Variants in CD200 observed in about 807,000 individuals in gnomAD.
CD200 encodes OX-2 membrane glycoprotein.
Under a neutral mutation model 30.9 loss-of-function variants are expected in CD200, and 15 were observed. That is an observed-to-expected ratio of 0.49 (90% CI 0.32 to 0.75). CD200 has a LOEUF of 0.75. Ranked by LOEUF, CD200 falls within the 30% of genes least tolerant of loss-of-function variation. CD200 has a pLI of 0.03. For synonymous variants in CD200, 134 were observed against 126.2 expected (o/e 1.06, Z -0.41); for missense variants, 262 against 324.2 (o/e 0.81, Z 1.47).
At chr3:112,359,032 C>T (rs1157429993) in intron 5 of CD200, among the ~76,000 whole-genome samples, 3 of 152,266 alleles carry the variant, frequency 2.0e-5, no homozygotes, top group Middle Eastern at 6.8e-3. Context: ...GCAAATTAAC[C>T]GGTACTTCAG....
intron 1 of CD200, among the ~76,000 whole-genome samples, chr3:112,339,063 AAC>A (rs757326635): frequency 6.6e-6 from 1 of 152,220 alleles, no homozygotes; most frequent in Non-Finnish European, 1.5e-5. Flanking sequence ...AAGTGCTAAG[AAC>A]AGTGCCTAGT....
At chr3:112,359,577 A>G (rs2108476680) in intron 5 of CD200, among the ~76,000 whole-genome samples, 1 of 152,362 alleles carries the variant, frequency 6.6e-6, no homozygotes, top group African/African-American at 2.4e-5. Context: ...TGATAAGGAA[A>G]GTATTTCCAT....
intron 4 of CD200, 103 bp downstream of exon 4, chr3:112,347,933 T>C: frequency 9.6e-7 from 1 of 1,041,358 alleles, no homozygotes. Context: ...CATAATCTAT[T>C]TGGAGAAAGA....
chr3:112,347,537 C>A (rs754921828), intron 3 of CD200, 21 bp from the exon 4 acceptor site: 2 of 1,611,318 alleles, frequency 1.2e-6, no homozygotes, highest in Non-Finnish European at 1.7e-6. Context: ...GATAACAGAT[C>A]ATATTTATTT....
chr3:112,344,873 G>C, intron 2 of CD200, 89 bp from the exon 3 acceptor site: 1 of 978,220 alleles, frequency 1.0e-6, no homozygotes. Context: ...TTCTATATTT[G>C]ACATTGAATA....
At chr3:112,345,428 G>A (rs113185557) in intron 3 of CD200, 140 bp downstream of exon 3, 10 of 666,330 alleles carry the variant, frequency 1.5e-5, no homozygotes, top group African/African-American at 5.4e-5. Flanking sequence ...GTCTACTATA[G>A]CTGTGTTTAT....
intron 2 of CD200, among the ~76,000 whole-genome samples, chr3:112,343,382 C>T (rs1228272421): frequency 6.6e-6 from 1 of 152,084 alleles, no homozygotes; most frequent in African/African-American, 2.4e-5. Flanking sequence ...TTGCTCACTG[C>T]ATCCTTGAAC....
rs149174117 is a variant in CD200 at position 112,347,820 on chromosome 3, C to T, written c.684C>T (p.Thr228=). The part of the protein sequence containing the change: ...HLGTVTDFKQ[T]VNKGYWFSVP... ...GGACTGTGACCGACTTTAAGCAAAC[C>T]GTCAACAAAGGTAAGAGAAAGTGAG... Residue 228 remains threonine (T), a synonymous_variant, in exon 4 of 6, where the codon ACC becomes ACT. Transcript: ENST00000315711. 7.4e-5 allele frequency: 120 copies of T among 1,612,922 alleles called. 2 individuals carry two copies. Among genetic ancestry groups the T allele is most frequent in the South Asian group, 5.2e-4 (47 of 91,012 alleles).
intron 1 of CD200, among the ~76,000 whole-genome samples, chr3:112,338,261 G>A (rs188121462): frequency 2.0e-5 from 3 of 152,214 alleles, no homozygotes; most frequent in Admixed American, 1.3e-4. Context: ...TCCATATCTA[G>A]GTAGGGGAAA....
At chr3:112,358,893 AAGAG>A (rs891229843) in intron 5 of CD200, among the ~76,000 whole-genome samples, 9 of 152,124 alleles carry the variant, frequency 5.9e-5, no homozygotes, top group African/African-American at 1.4e-4. Flanking sequence ...CAAGAAACAA[AAGAG>A]AGAAAGAAAG....
At chr3:112,344,693 G>A (rs146133970) in intron 2 of CD200, among the ~76,000 whole-genome samples, 5 of 152,232 alleles carry the variant, frequency 3.3e-5, no homozygotes, top group East Asian at 1.9e-4. Flanking sequence ...TACCTACTTC[G>A]CAGCTTACAC....
At chr3:112,335,034 G>A (rs2081081849) in intron 1 of CD200, among the ~76,000 whole-genome samples, 3 of 152,202 alleles carry the variant, frequency 2.0e-5, no homozygotes, top group Non-Finnish European at 4.4e-5. Flanking sequence ...TGGAATGCCA[G>A]TATCTGTCTC....
chr3:112,356,474 A>G (rs934933800), intron 5 of CD200, among the ~76,000 whole-genome samples: 1 of 152,190 alleles, frequency 6.6e-6, no homozygotes, highest in Non-Finnish European at 1.5e-5. Context: ...TGCCTCACAT[A>G]CTTATTTTTT....
chr3:112,350,990 A>G (rs1472265783), intron 5 of CD200, among the ~76,000 whole-genome samples: 1 of 152,200 alleles, frequency 6.6e-6, no homozygotes, highest in South Asian at 2.1e-4. Context: ...AGGAGAGAAG[A>G]TTACAAATCA....
intron 1 of CD200, chr3:112,336,045 G>A (rs769188756): frequency 5.1e-5 from 72 of 1,407,392 alleles, no homozygotes; most frequent in Non-Finnish European, 2.4e-5. Context: ...CCTATGAAGG[G>A]ACTTGGTTAG....
At chr3:112,333,094 C>A (rs554503855), upstream of CD200, 49 of 1,456,394 alleles carry the variant, frequency 3.4e-5, no homozygotes, top group African/African-American at 5.5e-4. Context: ...AGGGGGCTAG[C>A]GAGGAGGAAG....
chr3:112,341,862 A>G (rs1050129510), intron 2 of CD200, among the ~76,000 whole-genome samples: 3 of 152,220 alleles, frequency 2.0e-5, no homozygotes, highest in East Asian at 1.9e-4. Context: ...CAAACTTTCA[A>G]GAAGTCTCAA....
In CD200 at chr3:112,351,526, T is replaced by C. The variant is rs575031935; in HGVS notation, c.802+1707T>C. Among the ~76,000 whole-genome samples, 187 of 152,286 alleles carry C rather than the reference T, an allele frequency of 1.2e-3. 2 individuals carry two copies. Among genetic ancestry groups the C allele is most frequent in the African/African-American group, 4.3e-3 (178 of 41,564 alleles). ...GTCATTCAATGCCAATATCCGATTC[T>C]TGAAGCAAAAAGAATCAGCTTATTT... On this transcript the variant is annotated intron_variant, in intron 5 of 5. Transcript: ENST00000315711.
intron 5 of CD200, among the ~76,000 whole-genome samples, chr3:112,359,401 G>A (rs1269291160): frequency 6.6e-6 from 1 of 152,146 alleles, no homozygotes; most frequent in Non-Finnish European, 1.5e-5. Flanking sequence ...AGTTCAAAAT[G>A]CATAGTCTCA....
Sources: gnomAD v4.1 joint callset for allele counts (sites outside exome capture counted in the v4.1 genomes callset) on GRCh38, gnomAD v4.1.1 for gene constraint, MANE v1.5 for transcripts, NCBI Gene and HGNC (gene_info 2026-07-23, HGNC 2026-07-21) for gene names.